The following ABTB2 variants were observed in gnomAD, a reference collection of about 807,000 sequenced individuals.
ABTB2 encodes ankyrin repeat and BTB domain containing 2.
Under a neutral mutation model 104.1 loss-of-function variants are expected in ABTB2, and 56 were observed. The observed-to-expected ratio is 0.54, with a 90% CI of 0.43 to 0.67. The LOEUF is 0.67. Among genes scored for constraint, ABTB2 ranks in the 30% least tolerant of loss-of-function variants. The pLI is 0.00. For synonymous variants in ABTB2, 606 were observed against 608.2 expected (o/e 1.00, Z 0.05); for missense variants, 1,279 against 1,407.7 (o/e 0.91, Z 1.46).
chr11:34,343,939 A>G (rs1276707908), intron 1 of ABTB2, among the ~76,000 whole-genome samples: 1 of 152,138 alleles, frequency 6.6e-6, no homozygotes, highest in Non-Finnish European at 1.5e-5. Flanking sequence ...AGACAGTGAC[A>G]ACTCCTTCAG....
intron 1 of ABTB2, among the ~76,000 whole-genome samples, chr11:34,292,448 G>A (rs975270899): frequency 2.3e-4 from 35 of 152,174 alleles, no homozygotes; most frequent in Non-Finnish European, 1.5e-5. Context: ...ACCATGTGAA[G>A]GCTGGCCAGG....
At chr11:34,323,955 C>T (rs1467714225) in intron 1 of ABTB2, among the ~76,000 whole-genome samples, 1 of 144,948 alleles carries the variant, frequency 6.9e-6, no homozygotes, top group East Asian at 2.0e-4. Flanking sequence ...ACTCTGTTGC[C>T]CAGGCTGGAG....
chr11:34,208,229 T>C (rs1853433133), intron 1 of ABTB2, among the ~76,000 whole-genome samples: 1 of 152,238 alleles, frequency 6.6e-6, no homozygotes, highest in South Asian at 2.1e-4. Context: ...AAGATCATTC[T>C]AGTGAAAAGG....
intron 14 of ABTB2, among the ~76,000 whole-genome samples, chr11:34,155,829 C>T (rs1852617721): frequency 6.6e-6 from 1 of 152,248 alleles, no homozygotes; most frequent in South Asian, 2.1e-4. Context: ...GTGGTGAGCT[C>T]ATGATTGCAC....
intron 1 of ABTB2, among the ~76,000 whole-genome samples, chr11:34,355,124 T>A (rs756653553): frequency 1.3e-4 from 20 of 152,208 alleles, no homozygotes; most frequent in Non-Finnish European, 2.6e-4. Flanking sequence ...TGCCAGAATT[T>A]AAAAACAAAA....
At chr11:34,196,465 A>G (rs1853257586) in intron 3 of ABTB2, among the ~76,000 whole-genome samples, 1 of 152,086 alleles carries the variant, frequency 6.6e-6, no homozygotes. Context: ...GAGGCAGGAG[A>G]ATGGCGTGAA....
intron 1 of ABTB2, among the ~76,000 whole-genome samples, chr11:34,293,587 C>T (rs76875094): frequency 0.038 from 5,810 of 152,176 alleles, 133 homozygotes; most frequent in Non-Finnish European, 0.058. Context: ...GGAACTGTTC[C>T]GGGAAGGAAT....
chr11:34,296,128 T>A (rs1854620940), intron 1 of ABTB2, among the ~76,000 whole-genome samples: 1 of 152,202 alleles, frequency 6.6e-6, no homozygotes, highest in South Asian at 2.1e-4. Context: ...CAATACCTTG[T>A]CTCTAAAGAA....
intron 5 of ABTB2, among the ~76,000 whole-genome samples, chr11:34,169,968 C>G (rs1405795692): frequency 6.6e-6 from 1 of 152,236 alleles, no homozygotes; most frequent in Non-Finnish European, 1.5e-5. Context: ...GTGCCGTCAC[C>G]TCATCTGAGA....
chr11:34,212,415 G>A (rs568470694), intron 1 of ABTB2, among the ~76,000 whole-genome samples: 2 of 152,340 alleles, frequency 1.3e-5, no homozygotes, highest in East Asian at 3.9e-4. Context: ...CATGCATTGA[G>A]TAGGTCCTTT....
chr11:34,195,085 G>GGT (rs1565137675), intron 3 of ABTB2, among the ~76,000 whole-genome samples: 5 of 77,666 alleles, frequency 6.4e-5, no homozygotes, highest in Non-Finnish European at 1.6e-4. Context: ...CGGGGGGGGG[G>GGT]AGTGGGGGCG....
chr11:34,200,315 C>G (rs9971554), intron 2 of ABTB2, among the ~76,000 whole-genome samples: 3,923 of 152,064 alleles, frequency 0.026, 165 homozygotes, highest in African/African-American at 0.089. Flanking sequence ...GGTGGAGAAC[C>G]CTTTGGCAGC....
intron 1 of ABTB2, among the ~76,000 whole-genome samples, chr11:34,308,642 G>A (rs2133103509): frequency 6.6e-6 from 1 of 152,172 alleles, no homozygotes; most frequent in Non-Finnish European, 1.5e-5. Flanking sequence ...AGCCGAGGCG[G>A]GTGGATCACC....
intron 1 of ABTB2, among the ~76,000 whole-genome samples, chr11:34,349,456 C>A (rs1041519218): frequency 2.0e-5 from 3 of 152,198 alleles, no homozygotes; most frequent in African/African-American, 7.2e-5. Context: ...CCAAGGAAAG[C>A]CTTGCGAGTA....
At chr11:34,173,095 A>G (rs1590206798) in intron 4 of ABTB2, 60 bp downstream of exon 4, 4 of 1,605,714 alleles carry the variant, frequency 2.5e-6, no homozygotes, top group Non-Finnish European at 2.5e-6. Context: ...AAGCGAGCAG[A>G]GGGGAGCCGC....
At chr11:34,168,217 C>T (rs2133012820) in intron 5 of ABTB2, among the ~76,000 whole-genome samples, 1 of 152,316 alleles carries the variant, frequency 6.6e-6, no homozygotes, top group South Asian at 2.1e-4. Flanking sequence ...CAGGGCCCAG[C>T]ACAGGCCGTG....
At chr11:34,311,495 G>C (rs79698710) in intron 1 of ABTB2, among the ~76,000 whole-genome samples, 3 of 152,034 alleles carry the variant, frequency 2.0e-5, no homozygotes, top group Non-Finnish European at 1.5e-5. Flanking sequence ...CAAGTCCCTC[G>C]GCCACTCTCG....
At position 34,259,560 on chromosome 11, in the gene ABTB2, T is replaced by C. The variant is rs187037003; in HGVS notation, c.884-54870A>G. 1.8e-4 allele frequency among the ~76,000 whole-genome samples: 27 copies of C among 152,338 alleles called. No individual in the cohort carries two copies. In the East Asian group the frequency reaches 5.2e-3, roughly 29 times the overall value. On this transcript the variant is annotated intron_variant, in intron 1 of 16. Coordinates refer to ENST00000435224, the MANE Select transcript of ABTB2 (RefSeq NM_145804.3). ...TAGTCAGGTATTCTCCTCTGGGTGA[T>C]ATAGAAGTTCAGCCTTTCCTTGACT...
intron 1 of ABTB2, among the ~76,000 whole-genome samples, chr11:34,266,343 C>T (rs1250105640): frequency 1.3e-5 from 2 of 152,182 alleles, no homozygotes; most frequent in African/African-American, 4.8e-5. Flanking sequence ...CCTCAGCCTC[C>T]CGAAGTGCTG....
Sources: gnomAD v4.1 joint callset for allele counts (sites outside exome capture counted in the v4.1 genomes callset) on GRCh38, gnomAD v4.1.1 for gene constraint, MANE v1.5 for transcripts, NCBI Gene and HGNC (gene_info 2026-07-23, HGNC 2026-07-21) for gene names.